Variants in SLC4A4 observed in about 807,000 individuals in gnomAD.
SLC4A4 encodes the protein solute carrier family 4 member 4, also known as electrogenic sodium bicarbonate cotransporter 1.
In SLC4A4, 27 loss-of-function variants were observed where a neutral mutation model predicts 111.5. That is an observed-to-expected ratio of 0.24 (90% CI 0.18 to 0.33). SLC4A4 has a LOEUF of 0.33. Ranked by LOEUF, SLC4A4 falls within the 10% of genes least tolerant of loss-of-function variation. The pLI, the probability that SLC4A4 is intolerant of heterozygous loss-of-function variation, is 1.00. For missense variants in SLC4A4, 909 were observed against 1,315.5 expected, an observed-to-expected ratio of 0.69 and a Z score of 4.78; for synonymous variants, 443 against 463.4, an observed-to-expected ratio of 0.96 and a Z score of 0.57.
At chr4:71,436,020 A>G (rs569607590) in intron 7 of SLC4A4, among the ~76,000 whole-genome samples, 7 of 152,224 alleles carry the variant, frequency 4.6e-5, no homozygotes, top group Non-Finnish European at 8.8e-5. Context: ...AGGATCTTGA[A>G]CTAGAAATAC....
chr4:71,336,765 G>A (rs949047238), intron 3 of SLC4A4, among the ~76,000 whole-genome samples: 5 of 152,166 alleles, frequency 3.3e-5, no homozygotes, highest in African/African-American at 1.2e-4. Context: ...CCTTGTTTAT[G>A]TTGATTAATT....
At chr4:71,276,346 A>G (rs1560838397) in intron 3 of SLC4A4, among the ~76,000 whole-genome samples, 1 of 152,192 alleles carries the variant, frequency 6.6e-6, no homozygotes, top group Non-Finnish European at 1.5e-5. Context: ...GTAGTTACAT[A>G]TAATTTTGTC....
intron 16 of SLC4A4, among the ~76,000 whole-genome samples, chr4:71,523,828 A>G (rs1733177192): frequency 6.6e-6 from 1 of 152,146 alleles, no homozygotes; most frequent in Admixed American, 6.6e-5. Flanking sequence ...ATAGTGATTT[A>G]TTTGAGTTTT....
intron 2 of SLC4A4, among the ~76,000 whole-genome samples, chr4:71,136,181 C>G (rs1743838090): frequency 6.6e-6 from 1 of 152,210 alleles, no homozygotes; most frequent in African/African-American, 2.4e-5. Flanking sequence ...TAGCATTCAT[C>G]TTATCTCAGG....
intron 3 of SLC4A4, among the ~76,000 whole-genome samples, chr4:71,283,653 A>G (rs1723699964): frequency 6.6e-6 from 1 of 152,208 alleles, no homozygotes; most frequent in African/African-American, 2.4e-5. Context: ...ATTGCACTAG[A>G]TCATCAGATT....
chr4:71,525,673 AGGTTTG>A (rs1733356277), intron 16 of SLC4A4, among the ~76,000 whole-genome samples: 1 of 152,094 alleles, frequency 6.6e-6, no homozygotes, highest in Non-Finnish European at 1.5e-5. Context: ...CTGAAGCCAC[AGGTTTG>A]GGCATGAACT....
chr4:71,338,498 TTTTC>T (rs1183116387), intron 3 of SLC4A4, among the ~76,000 whole-genome samples: 1 of 152,112 alleles, frequency 6.6e-6, no homozygotes, highest in African/African-American at 2.4e-5. Flanking sequence ...TTCCAACTGC[TTTTC>T]TTTCTCTCTC....
chr4:71,357,678 T>C (rs1348445969), intron 6 of SLC4A4, among the ~76,000 whole-genome samples: 1 of 152,210 alleles, frequency 6.6e-6, no homozygotes, highest in African/African-American at 2.4e-5. Context: ...TAAGCCTCCA[T>C]ATTATTTTTT....
chr4:71,103,789 T>C (rs1742832306), intron 2 of SLC4A4, among the ~76,000 whole-genome samples: 1 of 151,732 alleles, frequency 6.6e-6, no homozygotes, highest in African/African-American at 2.4e-5. Context: ...GAGGGAAATT[T>C]ATAGCACTAA....
intron 3 of SLC4A4, among the ~76,000 whole-genome samples, chr4:71,306,556 T>C (rs953061222): frequency 2.6e-5 from 4 of 152,008 alleles, no homozygotes; most frequent in African/African-American, 9.7e-5. Flanking sequence ...GCACTCCAGT[T>C]TGGCAACAGA....
At chr4:71,156,577 C>CGCGT (rs1338846176) in intron 2 of SLC4A4, among the ~76,000 whole-genome samples, 4 of 99,010 alleles carry the variant, frequency 4.0e-5, no homozygotes, top group Non-Finnish European at 5.7e-5. Flanking sequence ...CGCGCATGCG[C>CGCGT]GCGCGCGCGC....
chr4:71,115,388 AC>A (rs1392982476), intron 2 of SLC4A4, among the ~76,000 whole-genome samples: 193 of 152,250 alleles, frequency 1.3e-3, no homozygotes, highest in Middle Eastern at 3.4e-3. Context: ...AAACAAACAA[AC>A]AAACAAACAA....
intron 8 of SLC4A4, among the ~76,000 whole-genome samples, chr4:71,442,301 G>C (rs1425637347): frequency 3.3e-5 from 5 of 152,140 alleles, no homozygotes; most frequent in Non-Finnish European, 7.4e-5. Flanking sequence ...GGTAGGGCTA[G>C]TGTAGAGGTA....
At chr4:71,540,802 C>G (rs1374684863) in intron 18 of SLC4A4, among the ~76,000 whole-genome samples, 1 of 152,106 alleles carries the variant, frequency 6.6e-6, no homozygotes, top group Non-Finnish European at 1.5e-5. Context: ...AGAATCATTT[C>G]CTATCCAAAG....
At chr4:71,176,388 A>G (rs1413116796) in intron 2 of SLC4A4, among the ~76,000 whole-genome samples, 1 of 152,214 alleles carries the variant, frequency 6.6e-6, no homozygotes, top group Non-Finnish European at 1.5e-5. Flanking sequence ...TCCGAGCTAA[A>G]GGAGGAAGTT....
At chr4:71,122,358 C>G (rs1198850278) in intron 2 of SLC4A4, among the ~76,000 whole-genome samples, 6 of 151,346 alleles carry the variant, frequency 4.0e-5, no homozygotes, top group African/African-American at 1.5e-4. Context: ...ATTTTAGTCA[C>G]CTTCAGTGAG....
intron 2 of SLC4A4, among the ~76,000 whole-genome samples, chr4:71,164,619 A>G (rs1180271466): frequency 6.6e-6 from 1 of 152,114 alleles, no homozygotes; most frequent in Admixed American, 6.5e-5. Context: ...AACCTAGGCA[A>G]TACCATTCAG....
chr4:71,438,991 A>G (rs1242571114), intron 7 of SLC4A4, among the ~76,000 whole-genome samples: 1 of 151,772 alleles, frequency 6.6e-6, no homozygotes, highest in African/African-American at 2.4e-5. Context: ...TGTAAATATA[A>G]TAGTTCTATC....
intron 6 of SLC4A4, among the ~76,000 whole-genome samples, chr4:71,378,258 A>G (rs979040094): frequency 1.3e-5 from 2 of 152,212 alleles, no homozygotes; most frequent in African/African-American, 2.4e-5. Flanking sequence ...GGTGGGCAGC[A>G]CTAATGACTA....
Sources: allele counts gnomAD v4.1 joint callset (sites outside exome capture counted in the v4.1 genomes callset), GRCh38; gene constraint gnomAD v4.1.1; transcripts MANE v1.5; gene names NCBI Gene and HGNC (gene_info 2026-07-23, HGNC 2026-07-21).